CNTNAP2: variants seen among roughly 807,000 people sequenced by gnomAD.
The protein encoded by CNTNAP2 is contactin-associated protein-like 2.
Under a neutral mutation model 155.2 loss-of-function variants are expected in CNTNAP2, and 98 were observed. The observed-to-expected ratio is 0.63, with a 90% CI of 0.54 to 0.75. CNTNAP2 has a LOEUF of 0.75. CNTNAP2 is among the 30% of genes least tolerant of loss of function. The pLI is 0.00. For synonymous variants in CNTNAP2, 651 were observed against 631.2 expected (o/e 1.03, Z -0.47); for missense variants, 1,727 against 1,688.1 (o/e 1.02, Z -0.40).
At chr7:146,956,834 C>T (rs527462556) in intron 3 of CNTNAP2, among the ~76,000 whole-genome samples, 16 of 151,964 alleles carry the variant, frequency 1.1e-4, no homozygotes, top group East Asian at 1.9e-4. Flanking sequence ...GGAAGAGTAA[C>T]GAAACAAGAA....
At chr7:147,272,667 T>G in intron 8 of CNTNAP2, among the ~76,000 whole-genome samples, 1 of 150,356 alleles carries the variant, frequency 6.7e-6, no homozygotes, top group Non-Finnish European at 1.5e-5. Context: ...CCGGCTAATT[T>G]TTTTTTTTTT....
chr7:146,695,815 C>A (rs1308362511), intron 1 of CNTNAP2, among the ~76,000 whole-genome samples: 2 of 152,070 alleles, frequency 1.3e-5, no homozygotes, highest in East Asian at 3.9e-4. Flanking sequence ...GGCTAAATAG[C>A]TAATTAACAT....
chr7:148,408,344 CT>C (rs2116712755), intron 22 of CNTNAP2, among the ~76,000 whole-genome samples: 1 of 152,222 alleles, frequency 6.6e-6, no homozygotes, highest in Non-Finnish European at 1.5e-5. Flanking sequence ...TGGAATCTCC[CT>C]TTTTGGTTGC....
At chr7:146,991,757 G>T (rs983670011) in intron 3 of CNTNAP2, among the ~76,000 whole-genome samples, 4 of 152,114 alleles carry the variant, frequency 2.6e-5, no homozygotes, top group African/African-American at 9.7e-5. Context: ...TGCTGAGATC[G>T]TTGAACAACA....
chr7:147,108,005 A>G (rs1181763831), intron 4 of CNTNAP2, 142 bp from the exon 5 acceptor site: 1 of 711,134 alleles, frequency 1.4e-6, no homozygotes, highest in East Asian at 2.7e-5. Flanking sequence ...AATCAAAAGA[A>G]GGAATAGAAG....
At chr7:146,792,244 T>C (rs756125927) in intron 2 of CNTNAP2, among the ~76,000 whole-genome samples, 4 of 151,380 alleles carry the variant, frequency 2.6e-5, no homozygotes, top group Non-Finnish European at 5.9e-5. Flanking sequence ...ATATGACATC[T>C]TATATCAAAA....
intron 1 of CNTNAP2, among the ~76,000 whole-genome samples, chr7:146,710,984 T>C (rs887347132): frequency 6.6e-6 from 1 of 151,922 alleles, no homozygotes; most frequent in Admixed American, 6.6e-5. Flanking sequence ...CTGGGTTTGA[T>C]TGCTTACTAA....
At chr7:146,523,541 T>C (rs67361718) in intron 1 of CNTNAP2, among the ~76,000 whole-genome samples, 42,931 of 151,978 alleles carry the variant, frequency 0.28, 6,523 homozygotes, top group East Asian at 0.47. Context: ...AATCTATTTT[T>C]TTTTACAATA....
At chr7:148,349,400 A>T (rs55910837) in intron 21 of CNTNAP2, among the ~76,000 whole-genome samples, 2 of 1,350 alleles carry the variant, frequency 1.5e-3, no homozygotes, top group Admixed American at 0.022. Flanking sequence ...TTGCAAAAAA[A>T]ATCTCTCTTT....
intron 20 of CNTNAP2, among the ~76,000 whole-genome samples, chr7:148,240,296 GAT>G (rs1796122268): frequency 6.6e-6 from 1 of 152,182 alleles, no homozygotes; most frequent in African/African-American, 2.4e-5. Context: ...GGGGAGAAAA[GAT>G]GTGTCCAGTC....
intron 15 of CNTNAP2, among the ~76,000 whole-genome samples, chr7:148,029,595 T>C (rs954511215): frequency 2.0e-5 from 3 of 152,218 alleles, no homozygotes; most frequent in Non-Finnish European, 4.4e-5. Context: ...AATGGAGATA[T>C]TGTTGCCACC....
At chr7:146,221,002 A>T (rs1033112074) in intron 1 of CNTNAP2, among the ~76,000 whole-genome samples, 1 of 152,230 alleles carries the variant, frequency 6.6e-6, no homozygotes, top group African/African-American at 2.4e-5. Flanking sequence ...TGTGCCTATC[A>T]TCACTGAGAA....
chr7:147,619,119 T>TA (rs1290229287), intron 12 of CNTNAP2, among the ~76,000 whole-genome samples: 1 of 152,232 alleles, frequency 6.6e-6, no homozygotes, highest in Non-Finnish European at 1.5e-5. Context: ...ATGAGACAGA[T>TA]ACTAAATTCT....
At chr7:147,415,856 A>C (rs1260910584) in intron 10 of CNTNAP2, among the ~76,000 whole-genome samples, 1 of 152,200 alleles carries the variant, frequency 6.6e-6, no homozygotes, top group African/African-American at 2.4e-5. Context: ...TACACCGGAC[A>C]GGCCAAGGTG....
intron 1 of CNTNAP2, among the ~76,000 whole-genome samples, chr7:146,343,468 A>C (rs1160816634): frequency 2.0e-5 from 3 of 152,160 alleles, no homozygotes; most frequent in Non-Finnish European, 4.4e-5. Flanking sequence ...TCAATACAGT[A>C]AAAATAACCA....
chr7:147,505,945 C>G (rs1160913152), intron 11 of CNTNAP2, among the ~76,000 whole-genome samples: 1 of 152,124 alleles, frequency 6.6e-6, no homozygotes, highest in Non-Finnish European at 1.5e-5. Flanking sequence ...CTTTCCCTCC[C>G]CTTGTCAAGA....
At chr7:146,610,312 C>A (rs1187806806) in intron 1 of CNTNAP2, among the ~76,000 whole-genome samples, 1 of 152,104 alleles carries the variant, frequency 6.6e-6, no homozygotes, top group Non-Finnish European at 1.5e-5. Flanking sequence ...AGCACCCAAA[C>A]AGAGTAGTTT....
intron 2 of CNTNAP2, among the ~76,000 whole-genome samples, chr7:146,824,053 C>A (rs1210805742): frequency 2.0e-5 from 3 of 152,094 alleles, no homozygotes; most frequent in African/African-American, 4.8e-5. Flanking sequence ...CAACCCCTGA[C>A]AGGCCCTGGT....
intron 1 of CNTNAP2, among the ~76,000 whole-genome samples, chr7:146,593,391 G>A (rs1004508114): frequency 2.6e-5 from 4 of 152,022 alleles, no homozygotes; most frequent in African/African-American, 7.2e-5. Context: ...AAGGGATCAG[G>A]AAAGAGGGTT....
Sources: allele counts gnomAD v4.1 joint callset (sites outside exome capture counted in the v4.1 genomes callset), GRCh38; gene constraint gnomAD v4.1.1; transcripts MANE v1.5; gene names NCBI Gene and HGNC (gene_info 2026-07-23, HGNC 2026-07-21).